TUBGCP3: variants seen among roughly 807,000 people sequenced by gnomAD.
The protein encoded by TUBGCP3 is tubulin gamma complex component 3, also known as gamma-tubulin complex component 3.
In TUBGCP3, 50 loss-of-function variants were observed where a neutral mutation model predicts 123.1. The ratio of observed to expected loss-of-function variants is 0.41; its 90% CI spans 0.32 to 0.51. TUBGCP3 has a LOEUF of 0.51. Among genes scored for constraint, TUBGCP3 ranks in the 20% least tolerant of loss-of-function variants. TUBGCP3 has a pLI of 0.36. For missense variants in TUBGCP3, 882 were observed against 1,127.0 expected, an observed-to-expected ratio of 0.78 and a Z score of 3.11; for synonymous variants, 405 against 413.9, an observed-to-expected ratio of 0.98 and a Z score of 0.26.
chr13:112,491,224 G>A lies in TUBGCP3; in HGVS notation c.2449-1527C>T, dbSNP rs376548768. 3.9e-5 allele frequency among the ~76,000 whole-genome samples: 6 copies of A among 152,150 alleles called. No homozygotes were observed. The East Asian group carries it at 7.7e-4, about 20-fold the overall frequency. ...CATTCCTGCTTTTCCAACTTTTTGA[G>A]TGGGATGTTTATTTACTTTCATTCT... is the stretch of plus-strand genomic sequence containing the variant. On this transcript the variant is annotated intron_variant, in intron 20 of 21. Transcript: ENST00000261965.
chr13:112,582,170 A>C (rs1025463772), intron 1 of TUBGCP3, among the ~76,000 whole-genome samples: 1 of 152,212 alleles, frequency 6.6e-6, no homozygotes, highest in Non-Finnish European at 1.5e-5. Context: ...GCTGGGAAAA[A>C]ATCAAGCAAT....
chr13:112,487,269 G>A (rs897101052), intron 21 of TUBGCP3, among the ~76,000 whole-genome samples: 1 of 152,152 alleles, frequency 6.6e-6, no homozygotes, highest in African/African-American at 2.4e-5. Context: ...GGTTGAGACT[G>A]GATGTTCTTT....
chr13:112,580,787 T>C (rs1402365490), intron 1 of TUBGCP3, among the ~76,000 whole-genome samples: 2 of 152,198 alleles, frequency 1.3e-5, no homozygotes, highest in Admixed American at 1.3e-4. Flanking sequence ...AGTTCAGGAA[T>C]AGAAGCGTAA....
At chr13:112,487,251 C>G (rs534544991) in intron 21 of TUBGCP3, among the ~76,000 whole-genome samples, 15 of 152,192 alleles carry the variant, frequency 9.9e-5, no homozygotes, top group Admixed American at 8.5e-4. Flanking sequence ...AAGAATATTT[C>G]TTCCACAGGT....
In TUBGCP3 at chr13:112,524,668, A is replaced by C. The variant is rs1876904591; in HGVS notation, c.1556-2159T>G. Among the ~76,000 whole-genome samples the C allele has an allele frequency of 6.6e-6, 1 of 152,170 alleles. No individual in the cohort carries two copies. The highest frequency in any genetic ancestry group is 6.5e-5 in the Admixed American group (1 of 15,270). On this transcript the variant is annotated intron_variant, in intron 13 of 21. Transcript: ENST00000261965. This position sits in a 1 kb window ranked among gnomAD's most constrained non-coding sequence, Gnocchi z 4.4. ...ATGTAAAATTATGTCTGAATGCTTT[A>C]GGGTGAGAGGGCCCATGGCTCTCAC...
At chr13:112,587,754 T>G (rs1053766855) in intron 1 of TUBGCP3, 151 bp downstream of exon 1, 4 of 553,516 alleles carry the variant, frequency 7.2e-6, no homozygotes, top group Non-Finnish European at 1.1e-5. Flanking sequence ...CTCCGCTCCC[T>G]CGTCCGGGCC....
At chr13:112,552,708 A>G (rs1198706143) in intron 8 of TUBGCP3, among the ~76,000 whole-genome samples, 2 of 152,150 alleles carry the variant, frequency 1.3e-5, no homozygotes, top group African/African-American at 4.8e-5. Flanking sequence ...TTCAAAGCTC[A>G]AAGTGTGATG....
In TUBGCP3 at chr13:112,485,772, G is replaced by C; in HGVS notation, c.*221C>G. ...ACTTTTAGAGACAAATGTGAACAGT[G>C]CAGCCAGCCTACTTGACTTAGGGAT... On this transcript the variant is annotated 3_prime_UTR_variant, in exon 22 of 22. Coordinates refer to ENST00000261965, the MANE Select transcript of TUBGCP3 (RefSeq NM_006322.6). The C allele has an allele frequency of 1.7e-6, 1 of 577,376 alleles. No individual in the cohort carries two copies. Among genetic ancestry groups the C allele is most frequent in the Non-Finnish European group, 3.0e-6 (1 of 328,586 alleles). 35.8% of individuals were successfully genotyped at this position (577,376 alleles called of 1,614,324 possible). A position where few individuals can be genotyped will look rare whatever the true frequency, so the allele number is the denominator to read the frequency against.
chr13:112,523,082 G>T (rs1264235869), intron 13 of TUBGCP3, among the ~76,000 whole-genome samples: 1 of 152,192 alleles, frequency 6.6e-6, no homozygotes, highest in South Asian at 2.1e-4. Context: ...AGAAGAAATT[G>T]CAGGTGGAGA....
chr13:112,497,276 A>T (rs1194081940), intron 20 of TUBGCP3, among the ~76,000 whole-genome samples: 1 of 152,238 alleles, frequency 6.6e-6, no homozygotes, highest in Non-Finnish European at 1.5e-5. Context: ...AATCGTGAGT[A>T]TATCCGACTT....
chr13:112,488,558 G>A (rs572069185), intron 21 of TUBGCP3, among the ~76,000 whole-genome samples: 7 of 152,280 alleles, frequency 4.6e-5, no homozygotes, highest in East Asian at 3.9e-4. Flanking sequence ...CTACAGAGAC[G>A]CCTGCAGGTC....
chr13:112,596,697 T>G, the TUBGCP3 span, among the ~76,000 whole-genome samples: 11 of 152,240 alleles, frequency 7.2e-5, no homozygotes, highest in African/African-American at 2.7e-4. Flanking sequence ...TCTGCTCTCC[T>G]TCTAGAACCC....
At chr13:112,567,746 C>G (rs532443031) in intron 2 of TUBGCP3, among the ~76,000 whole-genome samples, 1 of 152,334 alleles carries the variant, frequency 6.6e-6, no homozygotes, top group South Asian at 2.1e-4. Flanking sequence ...ACCCTCAACT[C>G]TACCCAGAAC....
At chr13:112,600,065 T>A in the TUBGCP3 span, among the ~76,000 whole-genome samples, 2 of 152,234 alleles carry the variant, frequency 1.3e-5, no homozygotes, top group Non-Finnish European at 2.9e-5. Context: ...CCCACACTTG[T>A]GCACCCACTG....
intron 20 of TUBGCP3, 57 bp from the exon 21 acceptor site, chr13:112,489,754 A>G: frequency 1.4e-6 from 2 of 1,447,758 alleles, no homozygotes; most frequent in African/African-American, 2.8e-5. Context: ...CAGATTACAG[A>G]GTAGGGCTGA....
intron 1 of TUBGCP3, among the ~76,000 whole-genome samples, chr13:112,573,837 AC>A (rs2139294263): frequency 6.6e-6 from 1 of 152,322 alleles, no homozygotes; most frequent in East Asian, 1.9e-4. Flanking sequence ...GCCCAGTTCA[AC>A]CCGGGATGCA....
At chr13:112,534,219 C>T (rs1877835228) in intron 11 of TUBGCP3, among the ~76,000 whole-genome samples, 1 of 152,164 alleles carries the variant, frequency 6.6e-6, no homozygotes. Flanking sequence ...CACCGCGGGG[C>T]TTTGGAAATC....
chr13:112,602,995 G>A, the TUBGCP3 span: 1 of 152,206 alleles, frequency 6.6e-6, no homozygotes, highest in African/African-American at 2.4e-5. Context: ...CTGTTAAAAA[G>A]CAGCTGATTT....
chr13:112,529,309 A>C (rs995662284), intron 11 of TUBGCP3, among the ~76,000 whole-genome samples: 5 of 152,252 alleles, frequency 3.3e-5, no homozygotes, highest in African/African-American at 1.2e-4. Flanking sequence ...CTCTGAGCTA[A>C]GGATGCCTCA....
Sources: allele counts gnomAD v4.1 joint callset (sites outside exome capture counted in the v4.1 genomes callset), GRCh38; gene constraint gnomAD v4.1.1; non-coding constraint Gnocchi (gnomAD v3.1); transcripts MANE v1.5; gene names NCBI Gene and HGNC (gene_info 2026-07-23, HGNC 2026-07-21).